The following SNX13 variants were observed in gnomAD, a reference collection of about 807,000 sequenced individuals.
The protein encoded by SNX13 is sorting nexin 13, also known as sorting nexin-13.
In SNX13, 45 loss-of-function variants were observed where a neutral mutation model predicts 133.6. That is an observed-to-expected ratio of 0.34 (90% CI 0.27 to 0.43). SNX13 has a LOEUF of 0.43. Ranked by LOEUF, SNX13 falls within the 20% of genes least tolerant of loss-of-function variation. The probability of loss-of-function intolerance (pLI) is 1.00; values close to 1 mark genes in which losing one functional copy is unlikely to be tolerated. For synonymous variants in SNX13, 414 were observed against 373.9 expected (o/e 1.11, Z -1.24); for missense variants, 1,032 against 1,145.1 (o/e 0.90, Z 1.43).
chr7:17,841,592 A>G (rs1789908027), intron 12 of SNX13, among the ~76,000 whole-genome samples: 1 of 143,174 alleles, frequency 7.0e-6, no homozygotes, highest in Non-Finnish European at 1.6e-5. Flanking sequence ...ACGCACACAC[A>G]CCCCAAGGCA....
At chr7:17,855,228 C>A (rs977020340) in intron 9 of SNX13, among the ~76,000 whole-genome samples, 18 of 152,114 alleles carry the variant, frequency 1.2e-4, no homozygotes, top group Admixed American at 5.9e-4. Flanking sequence ...AGCTAGCAGA[C>A]ATTGGAGGTT....
chr7:17,806,102 T>A (rs1016050332), intron 20 of SNX13, among the ~76,000 whole-genome samples: 2 of 152,222 alleles, frequency 1.3e-5, no homozygotes, highest in African/African-American at 2.4e-5. Flanking sequence ...ACACAGATGC[T>A]GTATATTCAT....
intron 1 of SNX13, among the ~76,000 whole-genome samples, chr7:17,918,647 A>G (rs1799810288): frequency 6.6e-6 from 1 of 152,228 alleles, no homozygotes; most frequent in Non-Finnish European, 1.5e-5. Flanking sequence ...AAATGTTAAT[A>G]CACTGTTGGA....
At chr7:17,932,508 T>C (rs1801498791) in intron 1 of SNX13, among the ~76,000 whole-genome samples, 1 of 152,244 alleles carries the variant, frequency 6.6e-6, no homozygotes, top group Non-Finnish European at 1.5e-5. Context: ...TTAATTTTTC[T>C]TGAGGAAATA....
intron 1 of SNX13, among the ~76,000 whole-genome samples, chr7:17,920,804 G>C (rs1039540824): frequency 6.6e-6 from 1 of 152,082 alleles, no homozygotes; most frequent in Non-Finnish European, 1.5e-5. Context: ...TTCACTCTAA[G>C]TCTATATCAT....
At chr7:17,917,953 T>C (rs1799738358) in intron 1 of SNX13, among the ~76,000 whole-genome samples, 2 of 152,000 alleles carry the variant, frequency 1.3e-5, no homozygotes, top group Non-Finnish European at 2.9e-5. Context: ...GGTACTGGTA[T>C]GAAAACAGAC....
chr7:17,798,728 A>G lies in SNX13; in HGVS notation c.2475T>C (p.Thr825=). 4 of 1,568,178 alleles carry G rather than the reference A, an allele frequency of 2.6e-6. No individual in the cohort carries two copies. Among genetic ancestry groups the G allele is most frequent in the Non-Finnish European group, 3.4e-6 (4 of 1,161,500 alleles). The part of the protein sequence containing the change: ...RKIVDHVDWM[T]SPEQVADSVK... ...CTGAGTCGGCTACTTGTTCAGGTGA[A>G]GTCATCCAGTCAACATGGTCAACTA... The change falls in exon 24 of 26, where the codon ACT becomes ACC. Residue 825 remains threonine, a synonymous_variant. Coordinates refer to ENST00000428135, the MANE Select transcript of SNX13 (RefSeq NM_015132.5).
At chr7:17,805,250 T>TGTGTGCGCGCGCGCGCGCGC in intron 20 of SNX13, among the ~76,000 whole-genome samples, 4 of 95,596 alleles carry the variant, frequency 4.2e-5, no homozygotes, top group Non-Finnish European at 5.1e-5. Context: ...TGTGTGTGTG[T>TGTGTGCGCGCGCGCGCGCGC]GCGTGCGCGC....
rs59119505 is a variant in SNX13 at position 17,861,342 on chromosome 7, TCACACACACACA to T, written c.837+7053_837+7064del. Among the ~76,000 whole-genome samples the T allele has an allele frequency of 5.0e-3, 720 of 143,240 alleles. 6 individuals carry two copies. The highest frequency in any genetic ancestry group is 0.045 in the East Asian group (216 of 4,792). The allele number at this position is 143,240 out of a possible 152,430, so 94.0% of individuals were successfully genotyped here. A position where few individuals can be genotyped will look rare whatever the true frequency, so the allele number is the denominator to read the frequency against. On this transcript the variant is annotated intron_variant, in intron 9 of 25. Coordinates refer to ENST00000428135, the MANE Select transcript of SNX13 (RefSeq NM_015132.5). ...TACAGTTATCACACATACAGTTATC[TCACACACACACA>T]CACACACACACACACACACACACAC...
chr7:17,803,922 TG>T (rs957670439), intron 20 of SNX13, among the ~76,000 whole-genome samples: 1 of 150,438 alleles, frequency 6.6e-6, no homozygotes, highest in Non-Finnish European at 1.5e-5. Context: ...TTGGTAATGT[TG>T]GTACACACCT....
intron 18 of SNX13, among the ~76,000 whole-genome samples, chr7:17,816,992 TAC>T (rs562067212): frequency 4.6e-4 from 70 of 152,302 alleles, no homozygotes; most frequent in African/African-American, 1.6e-3. Flanking sequence ...ATTTTCAAAA[TAC>T]AGATAGTAGT....
intron 5 of SNX13, among the ~76,000 whole-genome samples, chr7:17,878,805 C>T (rs1054532316): frequency 1.3e-5 from 2 of 152,142 alleles, no homozygotes; most frequent in Non-Finnish European, 2.9e-5. Context: ...CCTCTCCCTT[C>T]CTCTTTGTTA....
chr7:17,881,706 A>G (rs1483031769), intron 5 of SNX13: 1 of 152,110 alleles, frequency 6.6e-6, no homozygotes, highest in Non-Finnish European at 1.5e-5. Flanking sequence ...TCCCCCTCTT[A>G]ATTCACTATT....
intron 8 of SNX13, among the ~76,000 whole-genome samples, chr7:17,869,067 C>G (rs1689759430): frequency 6.6e-6 from 1 of 152,068 alleles, no homozygotes; most frequent in South Asian, 2.1e-4. Flanking sequence ...CCTTCCCATT[C>G]TTTGCAGTTG....
rs938819352 is a variant in SNX13, at chr7:17,930,761, A to G, written c.12+9523T>C. On this transcript the variant is annotated intron_variant, in intron 1 of 25. Transcript: ENST00000428135. ...GCCCATTAGGAATCAGGCCGCACAGAAGGAGGTGAGCAGCAGGGGTTAGTG... is the reference window on the plus strand; with the variant it reads ...GCCCATTAGGAATCAGGCCGCACAGGAGGAGGTGAGCAGCAGGGGTTAGTG... Among the ~76,000 whole-genome samples the G allele has an allele frequency of 3.9e-5, 6 of 152,028 alleles. No individual in the cohort carries two copies. In the East Asian group the frequency reaches 1.2e-3, roughly 29 times the overall value.
At chr7:17,925,471 G>A (rs1800644515) in intron 1 of SNX13, among the ~76,000 whole-genome samples, 1 of 152,014 alleles carries the variant, frequency 6.6e-6, no homozygotes, top group South Asian at 2.1e-4. Flanking sequence ...ACCCAGAGAA[G>A]TAAAATACAT....
At position 17,854,401 on chromosome 7, in the gene SNX13, A is replaced by G. The variant is rs543663811; in HGVS notation, c.838-3437T>C. On this transcript the variant is annotated intron_variant, in intron 9 of 25. Coordinates refer to ENST00000428135, the MANE Select transcript of SNX13 (RefSeq NM_015132.5). ...ATAGCTAGAAAGTCATTAAAACAATAAAACAGAATACAGGAATACCTTGTT... is the reference window on the plus strand; with the variant it reads ...ATAGCTAGAAAGTCATTAAAACAATGAAACAGAATACAGGAATACCTTGTT... Among the ~76,000 whole-genome samples, 6 of 152,356 alleles carry G rather than the reference A, an allele frequency of 3.9e-5. No homozygotes were observed. In the East Asian group the frequency reaches 1.2e-3, roughly 29 times the overall value.
At chr7:17,910,371 G>A (rs1351471429) in intron 1 of SNX13, among the ~76,000 whole-genome samples, 7 of 152,142 alleles carry the variant, frequency 4.6e-5, no homozygotes, top group Non-Finnish European at 8.8e-5. Flanking sequence ...CCGAGAGTTC[G>A]TACCTCAAAC....
intron 8 of SNX13, among the ~76,000 whole-genome samples, chr7:17,871,369 G>C (rs1302162035): frequency 6.6e-6 from 1 of 152,110 alleles, no homozygotes; most frequent in African/African-American, 2.4e-5. Flanking sequence ...GCACTTTTGG[G>C]GGAAAATGCC....
Sources: gnomAD v4.1 joint callset for allele counts (sites outside exome capture counted in the v4.1 genomes callset) on GRCh38, gnomAD v4.1.1 for gene constraint, MANE v1.5 for transcripts, NCBI Gene and HGNC (gene_info 2026-07-23, HGNC 2026-07-21) for gene names.